ACSS3: variants seen among roughly 807,000 people sequenced by gnomAD.
ACSS3 encodes the protein acyl-CoA synthetase short chain family member 3.
Under a neutral mutation model 84.2 loss-of-function variants are expected in ACSS3, and 64 were observed. The ratio of observed to expected loss-of-function variants is 0.76; its 90% CI spans 0.62 to 0.94. The LOEUF (loss-of-function observed/expected upper bound fraction) is 0.94, where lower values mean the gene tolerates loss of function less well. ACSS3 is among the 40% of genes least tolerant of loss of function. ACSS3 has a pLI of 0.00. For synonymous variants in ACSS3, 317 were observed against 310.1 expected (o/e 1.02, Z -0.23); for missense variants, 815 against 867.6 (o/e 0.94, Z 0.76).
chr12:81,136,924 A>T (rs1394999413), intron 3 of ACSS3, among the ~76,000 whole-genome samples: 1 of 152,120 alleles, frequency 6.6e-6, no homozygotes, highest in East Asian at 1.9e-4. Context: ...TAAGGAAGGA[A>T]GGTGCTTATC....
At chr12:81,179,278 A>G (rs1012510696) in intron 8 of ACSS3, among the ~76,000 whole-genome samples, 1 of 149,238 alleles carries the variant, frequency 6.7e-6, no homozygotes, top group Non-Finnish European at 1.5e-5. Context: ...TGCCAAAAAA[A>G]AAAAAAAAAA....
At chr12:81,107,559 T>TATATATAA (rs1883173665) in intron 1 of ACSS3, among the ~76,000 whole-genome samples, 1 of 114,066 alleles carries the variant, frequency 8.8e-6, no homozygotes, top group African/African-American at 3.4e-5. Flanking sequence ...TATATATATA[T>TATATATAA]AAATGTTTTT....
At position 81,086,869 on chromosome 12, in the gene ACSS3, A is replaced by G. The variant is rs537736246; in HGVS notation, c.311+8438A>G. On this transcript the variant is annotated intron_variant, in intron 1 of 15. Coordinates refer to ENST00000548058, the MANE Select transcript of ACSS3 (RefSeq NM_024560.4). ...TCTTTGCAATTATATATATGAATGT[A>G]ATAACCTCTCTAAATTACAGTTTCA... Among the ~76,000 whole-genome samples the G allele has an allele frequency of 3.8e-4, 58 of 152,316 alleles. 2 individuals are homozygous for G. In the South Asian group the frequency reaches 0.011, roughly 29 times the overall value.
At chr12:81,220,823 T>C (rs2033080874) in intron 11 of ACSS3, among the ~76,000 whole-genome samples, 2 of 152,092 alleles carry the variant, frequency 1.3e-5, no homozygotes, top group Non-Finnish European at 1.5e-5. Context: ...TTACTCTGTT[T>C]CTTAAAATTT....
intron 4 of ACSS3, among the ~76,000 whole-genome samples, 176 bp from the exon 5 acceptor site, chr12:81,142,931 A>G (rs752838269): frequency 6.6e-6 from 1 of 152,166 alleles, no homozygotes; most frequent in Non-Finnish European, 1.5e-5. Context: ...TGGACTTTTT[A>G]TAAACATTTA....
At chr12:81,205,488 T>A (rs1049310111) in intron 9 of ACSS3, among the ~76,000 whole-genome samples, 2 of 152,020 alleles carry the variant, frequency 1.3e-5, no homozygotes, top group African/African-American at 4.8e-5. Flanking sequence ...AACCACAAAA[T>A]AGAATAATTA....
chr12:81,078,289 G>A lies in ACSS3; in HGVS notation c.169G>A (p.Gly57Ser). Reference protein sequence around the residue: ...GGRGCRALSSGSGSEYKTHFA... With the variant: ...GGRGCRALSSSSGSEYKTHFA... ...CCGGGGATGCAGGGCACTGTCCTCCGGCAGTGGCAGCGAGTACAAGACCCA... is the reference window on the plus strand; with the variant it reads ...CCGGGGATGCAGGGCACTGTCCTCCAGCAGTGGCAGCGAGTACAAGACCCA... The change falls in exon 1 of 16, where the codon GGC (glycine) becomes AGC (serine). Residue 57 changes from glycine (G) to serine (S), a missense_variant. Transcript: ENST00000548058. 1 of 1,611,876 alleles carries A rather than the reference G, an allele frequency of 6.2e-7. No individual in the cohort carries two copies. Among genetic ancestry groups the A allele is most frequent in the Non-Finnish European group, 8.5e-7 (1 of 1,179,930 alleles).
chr12:81,150,426 A>T lies in ACSS3; in HGVS notation c.922-1418A>T, dbSNP rs1886552950. 2.0e-5 allele frequency among the ~76,000 whole-genome samples: 3 copies of T among 152,338 alleles called. No homozygotes were observed. In the Middle Eastern group the frequency reaches 0.01, roughly 518 times the overall value. ...TCAATCTGTTGAGCCATAGGAAAAG[A>T]TCTTCTCAATAGAACAAACTAGCAA... On this transcript the variant is annotated intron_variant, in intron 5 of 15. Coordinates refer to ENST00000548058, the MANE Select transcript of ACSS3 (RefSeq NM_024560.4).
Position 81,213,590 on chromosome 12 carries a change from C to CTCT in ACSS3, c.1355-3311_1355-3310insTCT, listed in dbSNP as rs1565723274. Among the ~76,000 whole-genome samples, 91 of 9,310 alleles carry CTCT rather than the reference C, an allele frequency of 9.8e-3. 11 individuals are homozygous for CTCT. The highest frequency in any genetic ancestry group is 0.027 in the African/African-American group (88 of 3,214). The allele number at this position is 9,310 out of a possible 152,430, so 6.1% of individuals were successfully genotyped here. On this transcript the variant is annotated intron_variant, in intron 9 of 15. Coordinates refer to ENST00000548058, the MANE Select transcript of ACSS3 (RefSeq NM_024560.4). ...TCCTCTCCTCTCCTCTCCTCCCCTCCCCTCCCCTCCCCTCCCCTCCCCTCC... is the reference window on the plus strand; with the variant it reads ...TCCTCTCCTCTCCTCTCCTCCCCTCCTCTCCTCCCCTCCCCTCCCCTCCCCTCC...
At chr12:81,121,026 G>A (rs1205235323) in intron 2 of ACSS3, among the ~76,000 whole-genome samples, 2 of 152,144 alleles carry the variant, frequency 1.3e-5, no homozygotes, top group Admixed American at 1.3e-4. Context: ...CTTTAAATGT[G>A]TACAGCTCCT....
chr12:81,101,601 A>G (rs1882517267), intron 1 of ACSS3, among the ~76,000 whole-genome samples: 1 of 152,168 alleles, frequency 6.6e-6, no homozygotes, highest in Admixed American at 6.5e-5. Flanking sequence ...TATCACATAT[A>G]CATTGCATTC....
At chr12:81,198,715 A>G (rs2031964132) in intron 8 of ACSS3, among the ~76,000 whole-genome samples, 1 of 152,014 alleles carries the variant, frequency 6.6e-6, no homozygotes, top group Non-Finnish European at 1.5e-5. Flanking sequence ...AAAGATGGTT[A>G]TTCTCCTTCA....
intron 2 of ACSS3, among the ~76,000 whole-genome samples, chr12:81,117,025 G>A (rs767448817): frequency 6.6e-6 from 1 of 152,010 alleles, no homozygotes; most frequent in African/African-American, 2.4e-5. Flanking sequence ...TCTGGTCCAT[G>A]GCTTTTATTC....
chr12:81,159,023 C>T (rs530224674), intron 7 of ACSS3, among the ~76,000 whole-genome samples: 3 of 152,180 alleles, frequency 2.0e-5, no homozygotes, highest in African/African-American at 4.8e-5. Flanking sequence ...GCCTGAATGA[C>T]AATATCAGAA....
intron 7 of ACSS3, among the ~76,000 whole-genome samples, chr12:81,165,628 A>G (rs1887365658): frequency 6.6e-6 from 1 of 151,530 alleles, no homozygotes; most frequent in Admixed American, 6.6e-5. Flanking sequence ...GCCTGGCAAC[A>G]GAGCGAGACT....
At chr12:81,189,974 A>G (rs1305258163) in intron 8 of ACSS3, among the ~76,000 whole-genome samples, 1 of 152,130 alleles carries the variant, frequency 6.6e-6, no homozygotes, top group Admixed American at 6.5e-5. Context: ...TTGTCATGAC[A>G]GTGCCTACAA....
At chr12:81,093,613 T>C (rs1881819715) in intron 1 of ACSS3, among the ~76,000 whole-genome samples, 1 of 152,010 alleles carries the variant, frequency 6.6e-6, no homozygotes, top group Admixed American at 6.6e-5. Flanking sequence ...GTGTTTTTTT[T>C]TTGGAAATAA....
Position 81,118,703 on chromosome 12 carries a change from C to T in ACSS3, c.456+8999C>T, listed in dbSNP as rs778140994. On this transcript the variant is annotated intron_variant, in intron 2 of 15. Coordinates refer to ENST00000548058, the MANE Select transcript of ACSS3 (RefSeq NM_024560.4). The stretch of plus-strand genomic sequence containing the variant: ...TAAATAATACCTGAAATTGAAGTCT[C>T]ATAGGTGGCATGCTAGAGATTAAGA... Among the ~76,000 whole-genome samples the T allele has an allele frequency of 2.6e-3, 399 of 152,176 alleles. 3 individuals are homozygous for T. Among genetic ancestry groups the T allele is most frequent in the Non-Finnish European group, 3.5e-3 (241 of 68,014 alleles).
chr12:81,179,416 TCTGCCAACTACG>T (rs1283691951), intron 8 of ACSS3, among the ~76,000 whole-genome samples: 2 of 151,032 alleles, frequency 1.3e-5, no homozygotes, highest in African/African-American at 4.9e-5. Context: ...GGAGACAATA[TCTGCCAACTACG>T]CGTCAGAGAA....
Sources: gnomAD v4.1 joint callset for allele counts (sites outside exome capture counted in the v4.1 genomes callset) on GRCh38, gnomAD v4.1.1 for gene constraint, MANE v1.5 for transcripts, NCBI Gene and HGNC (gene_info 2026-07-23, HGNC 2026-07-21) for gene names.